Variants in CADM2 observed in about 807,000 individuals in gnomAD.
CADM2 encodes cell adhesion molecule 2.
A neutral mutation model predicts 49.8 loss-of-function variants in CADM2; 12 were observed. The ratio of observed to expected loss-of-function variants is 0.24; its 90% CI spans 0.15 to 0.39. The LOEUF (loss-of-function observed/expected upper bound fraction) is 0.39. CADM2 is among the 10% of genes least tolerant of loss of function. The pLI is 1.00. For synonymous variants in CADM2, 214 were observed against 175.4 expected (o/e 1.22, Z -1.74); for missense variants, 378 against 492.3 (o/e 0.77, Z 2.20).
intron 3 of CADM2, among the ~76,000 whole-genome samples, chr3:85,846,800 T>C (rs1364581079): frequency 1.3e-5 from 2 of 152,170 alleles, no homozygotes; most frequent in African/African-American, 4.8e-5. Context: ...AGTTCAAGTC[T>C]GCAGTGAGCT....
intron 3 of CADM2, among the ~76,000 whole-genome samples, chr3:85,808,188 T>G (rs1577358854): frequency 6.6e-6 from 1 of 152,194 alleles, no homozygotes; most frequent in South Asian, 2.1e-4. Flanking sequence ...TACTTAAGAA[T>G]CTGCAAAAAC....
At chr3:85,489,804 TGTGAGAGA>T (rs1441780559) in intron 1 of CADM2, among the ~76,000 whole-genome samples, 1 of 146,778 alleles carries the variant, frequency 6.8e-6, no homozygotes, top group Non-Finnish European at 1.5e-5. Context: ...TGTGTGTGTG[TGTGAGAGA>T]GAGAGAGAGA....
At chr3:85,516,794 C>T (rs996560078) in intron 1 of CADM2, among the ~76,000 whole-genome samples, 2 of 151,954 alleles carry the variant, frequency 1.3e-5, no homozygotes, top group East Asian at 1.9e-4. Context: ...AATCATACTT[C>T]CAAAATTGTA....
intron 1 of CADM2, among the ~76,000 whole-genome samples, chr3:85,112,877 T>C (rs570955317): frequency 1.3e-5 from 2 of 151,728 alleles, no homozygotes; most frequent in East Asian, 1.9e-4. Context: ...ACAGCTCAGA[T>C]AATATATACA....
intron 1 of CADM2, among the ~76,000 whole-genome samples, chr3:85,131,555 T>C (rs1175375745): frequency 6.6e-6 from 1 of 152,170 alleles, no homozygotes; most frequent in Non-Finnish European, 1.5e-5. Flanking sequence ...TCATGCATAT[T>C]TCACAGAAAA....
At chr3:86,061,987 G>C (rs1002463531) in intron 8 of CADM2, among the ~76,000 whole-genome samples, 1 of 47,886 alleles carries the variant, frequency 2.1e-5, no homozygotes, top group African/African-American at 8.9e-5. Context: ...TGTTGATGGT[G>C]GGGGGGGGGT....
chr3:85,819,897 G>A (rs1010658863), intron 3 of CADM2, among the ~76,000 whole-genome samples: 2 of 152,080 alleles, frequency 1.3e-5, no homozygotes, highest in Non-Finnish European at 2.9e-5. Flanking sequence ...TGAACATATG[G>A]TTTGTCTGAG....
At position 85,979,406 on chromosome 3, in the gene CADM2, C is replaced by T. The variant is rs1476949524; in HGVS notation, c.970+17759C>T. The T allele has an allele frequency of 7.4e-6, 8 of 1,086,210 alleles. No homozygotes were observed. In the Admixed American group the frequency reaches 1.7e-4, roughly 23 times the overall value. The allele number at this position is 1,086,210 out of a possible 1,614,324, so 67.3% of individuals were successfully genotyped here. The stretch of plus-strand genomic sequence containing the variant: ...TAATTATGAGAAGTAATTAAGTCAC[C>T]TAAATTGCTATCAATTAGGGTTATT... On this transcript the variant is annotated intron_variant, in intron 8 of 9. Coordinates refer to ENST00000383699, the MANE Select transcript of CADM2 (RefSeq NM_001167675.2).
chr3:85,777,895 A>G (rs1342071322), intron 2 of CADM2, among the ~76,000 whole-genome samples: 1 of 152,184 alleles, frequency 6.6e-6, no homozygotes, highest in Admixed American at 6.5e-5. Flanking sequence ...GTCAAAGTGG[A>G]TGAACTCACA....
chr3:84,979,580 A>C (rs528664554), intron 1 of CADM2, among the ~76,000 whole-genome samples: 1 of 152,244 alleles, frequency 6.6e-6, no homozygotes, highest in East Asian at 1.9e-4. Context: ...TAAATTATTA[A>C]AAACTGTCGG....
chr3:85,869,210 G>A (rs1306561070), intron 3 of CADM2, among the ~76,000 whole-genome samples: 1 of 151,990 alleles, frequency 6.6e-6, no homozygotes, highest in Non-Finnish European at 1.5e-5. Flanking sequence ...CTTAAAGCTC[G>A]GCAATGAAGT....
At chr3:85,284,963 ATAAT>A (rs2043595663) in intron 1 of CADM2, among the ~76,000 whole-genome samples, 1 of 152,110 alleles carries the variant, frequency 6.6e-6, no homozygotes, top group African/African-American at 2.4e-5. Context: ...GCCTACTGAA[ATAAT>A]TCTAGAGAAA....
At chr3:85,899,918 G>C (rs1015783377) in intron 5 of CADM2, among the ~76,000 whole-genome samples, 7 of 152,016 alleles carry the variant, frequency 4.6e-5, no homozygotes, top group Non-Finnish European at 1.0e-4. Context: ...GAGCACTATG[G>C]ATGTCTGGAG....
chr3:85,609,008 G>T (rs764878083), intron 1 of CADM2, among the ~76,000 whole-genome samples: 1 of 151,878 alleles, frequency 6.6e-6, no homozygotes, highest in Non-Finnish European at 1.5e-5. Context: ...CAATTTTTTT[G>T]TTCTACTTGA....
rs561419530 is a variant in CADM2 at position 85,949,520 on chromosome 3, G to T, written c.792-11949G>T. On this transcript the variant is annotated intron_variant, in intron 7 of 9. Coordinates refer to ENST00000383699, the MANE Select transcript of CADM2 (RefSeq NM_001167675.2). ...AAGATATCTTAGCTCTAGAAAACAA[G>T]GTTGTCACCAAAACTCCTCTGTTTA... 1.0e-3 allele frequency among the ~76,000 whole-genome samples: 156 copies of T among 151,146 alleles called. 1 individual carries two copies. Among genetic ancestry groups the T allele is most frequent in the African/African-American group, 3.5e-3 (144 of 41,402 alleles).
chr3:85,424,113 GGAGA>G (rs2036292048), intron 1 of CADM2, among the ~76,000 whole-genome samples: 1 of 151,930 alleles, frequency 6.6e-6, no homozygotes, highest in Non-Finnish European at 1.5e-5. Flanking sequence ...TAACACTACT[GGAGA>G]GATTTTTCTG....
At chr3:85,301,663 G>A (rs1243611042) in intron 1 of CADM2, among the ~76,000 whole-genome samples, 1 of 151,924 alleles carries the variant, frequency 6.6e-6, no homozygotes, top group Non-Finnish European at 1.5e-5. Flanking sequence ...AAATTGTTCT[G>A]CTGTATACGA....
At chr3:85,601,499 G>T (rs1032007254) in intron 1 of CADM2, among the ~76,000 whole-genome samples, 5 of 151,136 alleles carry the variant, frequency 3.3e-5, no homozygotes, top group African/African-American at 1.2e-4. Flanking sequence ...TTGTTTCATA[G>T]AGTGTTTTTG....
chr3:84,969,358 T>G (rs970919928), intron 1 of CADM2, among the ~76,000 whole-genome samples: 1 of 152,036 alleles, frequency 6.6e-6, no homozygotes, highest in Non-Finnish European at 1.5e-5. Context: ...GACAAAAGAA[T>G]GCCATCTGCC....
Sources: allele counts gnomAD v4.1 joint callset (sites outside exome capture counted in the v4.1 genomes callset), GRCh38; gene constraint gnomAD v4.1.1; transcripts MANE v1.5; gene names NCBI Gene and HGNC (gene_info 2026-07-23, HGNC 2026-07-21).